The following ZNF107 variants were observed in gnomAD, a reference collection of about 807,000 sequenced individuals.
ZNF107 encodes zinc finger protein 107, also known as C2H2 type zinc-finger protein.
A neutral mutation model predicts 12.3 loss-of-function variants in ZNF107; 19 were observed. The ratio of observed to expected loss-of-function variants is 1.55; its 90% CI spans 1.08 to 2.27. The LOEUF (loss-of-function observed/expected upper bound fraction) is 2.27. Among genes scored for constraint, ZNF107 ranks in the 30% most tolerant of loss-of-function variants. ZNF107 has a pLI of 0.00. For missense variants in ZNF107, 958 were observed against 979.9 expected, an observed-to-expected ratio of 0.98 and a Z score of 0.30; for synonymous variants, 317 against 330.5, an observed-to-expected ratio of 0.96 and a Z score of 0.44.
At chr7:64,694,377 G>T (rs1013834227) in intron 3 of ZNF107, among the ~76,000 whole-genome samples, 32 of 152,116 alleles carry the variant, frequency 2.1e-4, no homozygotes, top group African/African-American at 2.4e-5. Context: ...TTTGCCTCCT[G>T]AATAAGGACC....
At chr7:64,674,547 C>A (rs536204000) in intron 1 of ZNF107, among the ~76,000 whole-genome samples, 2 of 152,236 alleles carry the variant, frequency 1.3e-5, no homozygotes, top group South Asian at 4.1e-4. Flanking sequence ...TGTCTGCAAA[C>A]AGGGATAGTT....
At chr7:64,694,011 C>G (rs891647892) in intron 3 of ZNF107, among the ~76,000 whole-genome samples, 8 of 152,130 alleles carry the variant, frequency 5.3e-5, no homozygotes, top group African/African-American at 1.9e-4. Flanking sequence ...TGGTCTCGAA[C>G]TCCTGACCTT....
At chr7:64,678,996 C>T (rs1450977447) in intron 1 of ZNF107, 1 of 152,052 alleles carries the variant, frequency 6.6e-6, no homozygotes, top group East Asian at 2.0e-4. Flanking sequence ...CAGTATAGAT[C>T]TCCCATTCAA....
intron 1 of ZNF107, chr7:64,686,417 C>T (rs1789913627): frequency 4.8e-6 from 3 of 629,602 alleles, no homozygotes; most frequent in Non-Finnish European, 5.9e-6. Context: ...ACAAATGCTA[C>T]TCCTAACTGC....
At chr7:64,668,829 C>T (rs1298553073) in intron 1 of ZNF107, among the ~76,000 whole-genome samples, 2 of 151,822 alleles carry the variant, frequency 1.3e-5, no homozygotes, top group Non-Finnish European at 2.9e-5. Context: ...AACCTCTCTT[C>T]CATTTTGACT....
chr7:64,707,084 T>G lies in ZNF107; in HGVS notation c.987T>G (p.Thr329=). The G allele has an allele frequency of 5.0e-6, 8 of 1,611,440 alleles. No homozygotes were observed. The highest frequency in any genetic ancestry group is 6.8e-6 in the Non-Finnish European group (8 of 1,179,242). The part of the protein sequence containing the change: ...GKAFNLFSNL[T]NHKRIHAGEK... ...CTTTTAACCTATTCTCAAATCTTACTAACCATAAGAGAATTCATGCTGGGG... is the reference window on the plus strand; with the variant it reads ...CTTTTAACCTATTCTCAAATCTTACGAACCATAAGAGAATTCATGCTGGGG... Residue 329 remains threonine (T), a synonymous_variant, in exon 4 of 4, where the codon ACT becomes ACG. Coordinates refer to ENST00000620827, the MANE Select transcript of ZNF107 (RefSeq NM_001282359.2).
chr7:64,686,597 AGGCCATTATTGACGGTG>A (rs1463802150), intron 1 of ZNF107: 1 of 985,352 alleles, frequency 1.0e-6, no homozygotes, highest in Non-Finnish European at 1.2e-6. Flanking sequence ...TATTGCCAGC[AGGCCATTATTGACGGTG>A]GGCCATTAAG....
At chr7:64,677,470 C>T (rs1026724890) in intron 1 of ZNF107, among the ~76,000 whole-genome samples, 1 of 20,982 alleles carries the variant, frequency 4.8e-5, no homozygotes, top group African/African-American at 2.0e-4. Context: ...CCGCACCTCG[C>T]CGGATTTTTT....
chr7:64,680,957 A>T (rs1201325393), intron 1 of ZNF107, among the ~76,000 whole-genome samples: 1 of 152,182 alleles, frequency 6.6e-6, no homozygotes, highest in African/African-American at 2.4e-5. Context: ...CCATGCTTCA[A>T]GTGCCATAAA....
At chr7:64,672,161 T>C (rs1048702541) in intron 1 of ZNF107, among the ~76,000 whole-genome samples, 2 of 151,672 alleles carry the variant, frequency 1.3e-5, no homozygotes, top group African/African-American at 4.8e-5. Flanking sequence ...CCATGTGTTC[T>C]TATTATTTAG....
chr7:64,678,877 T>C (rs1789533611), intron 1 of ZNF107: 1 of 152,054 alleles, frequency 6.6e-6, no homozygotes, highest in African/African-American at 2.4e-5. Flanking sequence ...AAAACCATAA[T>C]AGCTCTTCAC....
At chr7:64,682,886 A>G (rs1328062879) in intron 1 of ZNF107, among the ~76,000 whole-genome samples, 3 of 152,240 alleles carry the variant, frequency 2.0e-5, no homozygotes, top group Admixed American at 2.0e-4. Flanking sequence ...TTCACTTAGC[A>G]CCCAACACAT....
intron 3 of ZNF107, among the ~76,000 whole-genome samples, chr7:64,693,818 C>T (rs576861230): frequency 2.0e-5 from 3 of 151,670 alleles, no homozygotes; most frequent in East Asian, 1.9e-4. Flanking sequence ...GATGGAGTTT[C>T]GCTTTTCTTG....
At position 64,666,258 on chromosome 7, in the gene ZNF107, G is replaced by A; in HGVS notation, c.-25G>A. 9.9e-6 allele frequency: 16 copies of A among 1,608,348 alleles called. No individual in the cohort carries two copies. The highest frequency in any genetic ancestry group is 1.3e-5 in the Non-Finnish European group (15 of 1,176,766). The stretch of plus-strand genomic sequence containing the variant: ...ATATTGGGAGATCCACAGCTAAGAC[G>A]CCGGGACTCCCTGGAAACCTAGAAA... On this transcript the variant is annotated 5_prime_UTR_variant, in exon 1 of 4. Transcript: ENST00000620827.
rs1790749935 is a variant in ZNF107, at chr7:64,708,206, A to G, written c.2109A>G (p.Lys703=). 2 of 1,613,206 alleles carry G rather than the reference A, an allele frequency of 1.2e-6. No homozygotes were observed. The highest frequency in any genetic ancestry group is 2.2e-5 in the South Asian group (2 of 90,978). ...ATAAGAGAATTCATACGGGAGAGAA[A>G]CCTTACCAATGTGCAGAATGTGGCA... is the stretch of plus-strand genomic sequence containing the variant. The part of the protein sequence containing the change: ...TIHKRIHTGE[K]PYQCAECGKA... Residue 703 remains lysine (K), a synonymous_variant, in exon 4 of 4, where the codon AAA becomes AAG. Coordinates refer to ENST00000620827, the MANE Select transcript of ZNF107 (RefSeq NM_001282359.2).
At position 64,667,549 on chromosome 7, in the gene ZNF107, G is replaced by A. The variant is rs148896714; in HGVS notation, c.3+1264G>A. On this transcript the variant is annotated intron_variant, in intron 1 of 3. Transcript: ENST00000620827. ...GGTGATGTGTCCTCAGCCACCTTTC[G>A]GTTTTCTCCTGGTCCTGGGTTTCAG... Among the ~76,000 whole-genome samples the A allele has an allele frequency of 1.7e-3, 263 of 152,260 alleles. 1 individual carries two copies. Among genetic ancestry groups the A allele is most frequent in the South Asian group, 3.9e-3 (19 of 4,828 alleles).
chr7:64,666,160 T>G lies in ZNF107; in HGVS notation c.-123T>G, dbSNP rs1373922042. The G allele has an allele frequency of 4.4e-6, 6 of 1,370,718 alleles. No homozygotes were observed. 84.9% of individuals were successfully genotyped at this position (1,370,718 alleles called of 1,614,324 possible). A position where few individuals can be genotyped will look rare whatever the true frequency, so the allele number is the denominator to read the frequency against. Reference sequence around the variant, plus strand: ...CTTTGTCTCTGGCTGCAGCCGGAGCTCCTGCTCTCCTCCTCACTGCTCAGT... The same window carrying G: ...CTTTGTCTCTGGCTGCAGCCGGAGCGCCTGCTCTCCTCCTCACTGCTCAGT... On this transcript the variant is annotated 5_prime_UTR_variant, in exon 1 of 4. Coordinates refer to ENST00000620827, the MANE Select transcript of ZNF107 (RefSeq NM_001282359.2).
At chr7:64,690,866 C>A (rs1308369187) in intron 1 of ZNF107, among the ~76,000 whole-genome samples, 1 of 152,084 alleles carries the variant, frequency 6.6e-6, no homozygotes, top group Non-Finnish European at 1.5e-5. Context: ...CTTAGCCTCC[C>A]TAGTAACTGG....
chr7:64,699,804 C>T (rs568992661), intron 3 of ZNF107, among the ~76,000 whole-genome samples: 2 of 152,212 alleles, frequency 1.3e-5, no homozygotes, highest in South Asian at 2.1e-4. Flanking sequence ...CGTGGTGGCT[C>T]ACGCCTGTAA....
Sources: allele counts gnomAD v4.1 joint callset (sites outside exome capture counted in the v4.1 genomes callset), GRCh38; gene constraint gnomAD v4.1.1; transcripts MANE v1.5; gene names NCBI Gene and HGNC (gene_info 2026-07-23, HGNC 2026-07-21).